The following LRRC40 variants were observed in gnomAD, a reference collection of about 807,000 sequenced individuals.
LRRC40 encodes the protein leucine-rich repeat-containing protein 40.
Under a neutral mutation model 72.8 loss-of-function variants are expected in LRRC40, and 76 were observed. The ratio of observed to expected loss-of-function variants is 1.04; its 90% CI spans 0.87 to 1.26. The LOEUF is 1.26. LRRC40 is among the 50% of genes most tolerant of loss of function. The pLI, the probability that LRRC40 is intolerant of heterozygous loss-of-function variation, is 0.00. For synonymous variants in LRRC40, 243 were observed against 254.2 expected, an observed-to-expected ratio of 0.96 and a Z score of 0.42; for missense variants, 684 against 698.9, an observed-to-expected ratio of 0.98 and a Z score of 0.24.
At position 70,191,244 on chromosome 1, in the gene LRRC40, A is replaced by C. The variant is rs1668493870; in HGVS notation, c.152-1971T>G. ...AAGTATGTAGAAAAAGCTATGTGAG[A>C]TGCACCATTCTACTCCTAAAGATGA... is the stretch of plus-strand genomic sequence containing the variant. On this transcript the variant is annotated intron_variant, in intron 1 of 14. Coordinates refer to ENST00000370952, the MANE Select transcript of LRRC40 (RefSeq NM_017768.5). 5.9e-5 allele frequency among the ~76,000 whole-genome samples: 9 copies of C among 152,164 alleles called. No individual in the cohort carries two copies. The South Asian group carries it at 1.9e-3, about 32-fold the overall frequency.
At chr1:70,179,014 A>G (rs1454506871) in intron 5 of LRRC40, 21 bp from the exon 6 acceptor site, 2 of 1,448,308 alleles carry the variant, frequency 1.4e-6, no homozygotes, top group Admixed American at 4.7e-5. Context: ...TATTCAGTAA[A>G]AAACAAAAAT....
At chr1:70,158,015 C>T (rs1412348984) in intron 10 of LRRC40, among the ~76,000 whole-genome samples, 2 of 144,238 alleles carry the variant, frequency 1.4e-5, no homozygotes, top group East Asian at 2.1e-4. Flanking sequence ...GTGGGGGAAT[C>T]GCTTGAGCCA....
chr1:70,196,936 T>C (rs764490569), intron 1 of LRRC40, among the ~76,000 whole-genome samples: 6 of 152,166 alleles, frequency 3.9e-5, no homozygotes, highest in Non-Finnish European at 7.3e-5. Context: ...TTTTAAAATA[T>C]AGGTGATGTA....
At chr1:70,187,214 A>C (rs1174287212) in intron 3 of LRRC40, 51 bp downstream of exon 3, 6 of 851,592 alleles carry the variant, frequency 7.0e-6, no homozygotes, top group African/African-American at 3.5e-5. Context: ...AGAATATTAG[A>C]TTTAAACCAT....
intron 14 of LRRC40, among the ~76,000 whole-genome samples, chr1:70,147,564 G>T (rs1176340245): frequency 1.3e-5 from 2 of 152,210 alleles, no homozygotes; most frequent in Non-Finnish European, 2.9e-5. Flanking sequence ...CTAGACTCTT[G>T]CAAGAACCTA....
intron 1 of LRRC40, among the ~76,000 whole-genome samples, chr1:70,198,403 G>C (rs1353384537): frequency 1.3e-5 from 2 of 152,080 alleles, no homozygotes; most frequent in South Asian, 2.1e-4. Context: ...CTCAGTTTTA[G>C]ATAATCATCC....
rs538732939 is a variant in LRRC40 at position 70,188,258 on chromosome 1, G to A, written c.333+834C>T. Among the ~76,000 whole-genome samples the A allele has an allele frequency of 1.7e-3, 262 of 152,154 alleles. 3 individuals are homozygous for A. Among genetic ancestry groups the A allele is most frequent in the South Asian group, 0.013 (61 of 4,818 alleles). On this transcript the variant is annotated intron_variant, in intron 2 of 14. Coordinates refer to ENST00000370952, the MANE Select transcript of LRRC40 (RefSeq NM_017768.5). ...TAAAGTATACCAGATTGTGAAGCCCGCAGATTATGAAATATACTCCTTGTG... is the reference window on the plus strand; with the variant it reads ...TAAAGTATACCAGATTGTGAAGCCCACAGATTATGAAATATACTCCTTGTG...
At chr1:70,205,236 C>T (rs1273779582) in intron 1 of LRRC40, among the ~76,000 whole-genome samples, 154 bp downstream of exon 1, 1 of 152,162 alleles carries the variant, frequency 6.6e-6, no homozygotes, top group East Asian at 1.9e-4. Flanking sequence ...CTAACCAAAC[C>T]GGTCGAAATG....
At chr1:70,163,161 C>T (rs769461707) in intron 9 of LRRC40, among the ~76,000 whole-genome samples, 15 of 151,682 alleles carry the variant, frequency 9.9e-5, no homozygotes, top group Non-Finnish European at 1.9e-4. Context: ...CTGCAACCTC[C>T]GACTCCCTGG....
chr1:70,197,275 T>C (rs1379799160), intron 1 of LRRC40, among the ~76,000 whole-genome samples: 1 of 151,834 alleles, frequency 6.6e-6, no homozygotes, highest in Non-Finnish European at 1.5e-5. Context: ...GATGTATAGA[T>C]GTATTTTTTT....
intron 1 of LRRC40, among the ~76,000 whole-genome samples, chr1:70,193,469 C>T (rs1668545425): frequency 6.6e-6 from 1 of 151,668 alleles, no homozygotes; most frequent in Admixed American, 6.6e-5. Context: ...GAATTAGCTA[C>T]TTAAAAGTCC....
Position 70,187,342 on chromosome 1 carries a change from A to C in LRRC40, c.334-4T>G. The C allele has an allele frequency of 1.4e-6, 2 of 1,412,972 alleles. No homozygotes were observed. The highest frequency in any genetic ancestry group is 9.9e-7 in the Non-Finnish European group (1 of 1,006,524). The allele number at this position is 1,412,972 out of a possible 1,614,324, so 87.5% of individuals were successfully genotyped here. ...ATGTCAACTGATTATCATGTATCTAAAAGTTTTTAAAAGACAAAGTCAATA... is the reference window on the plus strand; with the variant it reads ...ATGTCAACTGATTATCATGTATCTACAAGTTTTTAAAAGACAAAGTCAATA... On this transcript the variant is annotated splice_region_variant and splice_polypyrimidine_tract_variant and intron_variant, in intron 2 of 14. Transcript: ENST00000370952.
chr1:70,150,366 G>C (rs1186923299), intron 13 of LRRC40, among the ~76,000 whole-genome samples: 2 of 152,160 alleles, frequency 1.3e-5, no homozygotes, highest in African/African-American at 4.8e-5. Context: ...GCATACCTTA[G>C]ATGAGTTATT....
chr1:70,187,173 CAA>C (rs2100323986), intron 3 of LRRC40, 90 bp downstream of exon 3: 3 of 646,932 alleles, frequency 4.6e-6, no homozygotes, highest in Non-Finnish European at 8.1e-6. Context: ...TGAGATAATT[CAA>C]AGATATTTTT....
intron 1 of LRRC40, among the ~76,000 whole-genome samples, chr1:70,192,286 T>C (rs1014318683): frequency 6.6e-6 from 1 of 152,066 alleles, no homozygotes; most frequent in Non-Finnish European, 1.5e-5. Context: ...TGTTGGTTTA[T>C]AGGAATGCTA....
At chr1:70,190,548 C>T (rs1169203795) in intron 1 of LRRC40, among the ~76,000 whole-genome samples, 1 of 151,154 alleles carries the variant, frequency 6.6e-6, no homozygotes, top group Non-Finnish European at 1.5e-5. Context: ...TGATGGCACA[C>T]ACCTGTAGTC....
chr1:70,170,782 T>G (rs536939791), intron 9 of LRRC40, among the ~76,000 whole-genome samples: 1 of 152,270 alleles, frequency 6.6e-6, no homozygotes, highest in African/African-American at 2.4e-5. Flanking sequence ...TAGGATAATA[T>G]TCCCCAAACT....
rs1667373938 is a variant in LRRC40 at position 70,148,497 on chromosome 1, C to T, written c.1693G>A (p.Val565Ile). 1.9e-6 allele frequency: 3 copies of T among 1,609,690 alleles called. No homozygotes were observed. Among genetic ancestry groups the T allele is most frequent in the African/African-American group, 1.3e-5 (1 of 74,808 alleles). ...LQIPPELGNC[V>I]NLRTLLLDGN... ...GAATGGTGTAGTTACCTTAAGTTTA[C>T]ACAATTACCGAGCTCTGGTGGAATT... Residue 565 changes from valine to isoleucine, a missense_variant, in exon 14 of 15, where the codon GTA becomes ATA. Physicochemically the swap from Val to Ile is conservative, Grantham distance 29. Coordinates refer to ENST00000370952, the MANE Select transcript of LRRC40 (RefSeq NM_017768.5).
Position 70,181,195 on chromosome 1 carries a change from A to G in LRRC40, c.552T>C (p.Asn184=). The G allele has an allele frequency of 6.4e-7, 1 of 1,553,496 alleles. No homozygotes were observed. The highest frequency in any genetic ancestry group is 1.3e-5 in the South Asian group (1 of 78,958). The part of the protein sequence containing the change: ...SNLEDLDLSN[N]HLTTVPASFS... ...AACTAGCAGGAACAGTTGTAAGATGATTGTTTGAAAGATCCTTTAAAAAGA... is the reference window on the plus strand; with the variant it reads ...AACTAGCAGGAACAGTTGTAAGATGGTTGTTTGAAAGATCCTTTAAAAAGA... The change falls in exon 5 of 15, where the codon AAT becomes AAC. Residue 184 remains asparagine (N), a synonymous_variant. Coordinates refer to ENST00000370952, the MANE Select transcript of LRRC40 (RefSeq NM_017768.5).
Sources: gnomAD v4.1 joint callset for allele counts (sites outside exome capture counted in the v4.1 genomes callset) on GRCh38, gnomAD v4.1.1 for gene constraint, MANE v1.5 for transcripts, NCBI Gene and HGNC (gene_info 2026-07-23, HGNC 2026-07-21) for gene names.